Variants in ZFHX4 observed in about 807,000 individuals in gnomAD.
The protein encoded by ZFHX4 is zinc finger homeobox 4, also known as zinc finger homeobox protein 4.
A neutral mutation model predicts 267.6 loss-of-function variants in ZFHX4; 56 were observed. That is an observed-to-expected ratio of 0.21 (90% CI 0.17 to 0.26). The LOEUF (loss-of-function observed/expected upper bound fraction) is 0.26, where lower values mean the gene tolerates loss of function less well. ZFHX4 is among the 10% of genes least tolerant of loss of function. The pLI, the probability that ZFHX4 is intolerant of heterozygous loss-of-function variation, is 1.00. For missense variants in ZFHX4, 4,332 were observed against 4,420.0 expected (o/e 0.98, Z 0.56); for synonymous variants, 1,778 against 1,665.6 (o/e 1.07, Z -1.64).
At chr8:76,713,823 A>G (rs1808494240) in intron 3 of ZFHX4, among the ~76,000 whole-genome samples, 1 of 151,990 alleles carries the variant, frequency 6.6e-6, no homozygotes, top group Non-Finnish European at 1.5e-5. Context: ...TGGAGTGATT[A>G]TGTCAGGGAT....
chr8:76,689,681 C>T (rs190719266), intron 1 of ZFHX4, among the ~76,000 whole-genome samples: 3 of 152,050 alleles, frequency 2.0e-5, no homozygotes, highest in African/African-American at 7.2e-5. Context: ...CACAAGTTGC[C>T]TTGAAAGTTT....
chr8:76,743,256 G>A (rs895330610), intron 3 of ZFHX4, among the ~76,000 whole-genome samples: 4 of 152,108 alleles, frequency 2.6e-5, no homozygotes, highest in Non-Finnish European at 5.9e-5. Context: ...AATCTTCCTC[G>A]AACTTCTGAT....
intron 4 of ZFHX4, among the ~76,000 whole-genome samples, chr8:76,800,666 A>G (rs1389428631): frequency 6.6e-6 from 1 of 152,218 alleles, no homozygotes; most frequent in African/African-American, 2.4e-5. Flanking sequence ...AATCTTAATC[A>G]GTCTGGACCA....
chr8:76,703,860 C>G (rs568609102), intron 1 of ZFHX4, among the ~76,000 whole-genome samples, 183 bp from the exon 2 acceptor site: 18 of 152,306 alleles, frequency 1.2e-4, no homozygotes, highest in African/African-American at 4.1e-4. Context: ...TGATAGCTAT[C>G]TACATTATTT....
intron 4 of ZFHX4, among the ~76,000 whole-genome samples, chr8:76,812,134 G>A (rs1811394038): frequency 6.6e-6 from 1 of 152,108 alleles, no homozygotes; most frequent in Non-Finnish European, 1.5e-5. Context: ...AAAACATCTA[G>A]GGCATCAACT....
At chr8:76,842,580 T>A (rs1812262503) in intron 5 of ZFHX4, 75 bp from the exon 6 acceptor site, 1 of 1,029,286 alleles carries the variant, frequency 9.7e-7, no homozygotes, top group Non-Finnish European at 1.4e-6. Flanking sequence ...AGTTTTCAAG[T>A]GGCCACCTAG....
intron 4 of ZFHX4, among the ~76,000 whole-genome samples, chr8:76,831,774 G>A (rs1441936596): frequency 6.6e-6 from 1 of 152,124 alleles, no homozygotes; most frequent in East Asian, 1.9e-4. Flanking sequence ...GGGAAGAATA[G>A]GAGGCTCACA....
At chr8:76,836,556 T>C (rs910638336) in intron 5 of ZFHX4, among the ~76,000 whole-genome samples, 19 of 151,774 alleles carry the variant, frequency 1.3e-4, no homozygotes, top group African/African-American at 4.4e-4. Flanking sequence ...TTGGAAAAAA[T>C]TGGTCCCATT....
chr8:76,837,094 T>A (rs986706543), intron 5 of ZFHX4, among the ~76,000 whole-genome samples: 1 of 152,094 alleles, frequency 6.6e-6, no homozygotes, highest in Non-Finnish European at 1.5e-5. Context: ...GGACATCCAG[T>A]ACAGTTACAA....
At chr8:76,745,031 T>C (rs193095216) in intron 3 of ZFHX4, among the ~76,000 whole-genome samples, 12 of 152,294 alleles carry the variant, frequency 7.9e-5, no homozygotes, top group Admixed American at 7.2e-4. Flanking sequence ...TGGGCCATGA[T>C]GACATAGCAT....
intron 4 of ZFHX4, chr8:76,782,170 C>T: frequency 2.3e-6 from 1 of 425,958 alleles, no homozygotes. Flanking sequence ...TTCTGGAGCG[C>T]TTGTAATTTC....
At chr8:76,775,434 G>A (rs1408286042) in intron 3 of ZFHX4, among the ~76,000 whole-genome samples, 1 of 152,144 alleles carries the variant, frequency 6.6e-6, no homozygotes. Flanking sequence ...AGTAATTAAT[G>A]ACCCTGACTC....
At chr8:76,835,445 G>T (rs1812069284) in intron 5 of ZFHX4, among the ~76,000 whole-genome samples, 1 of 151,144 alleles carries the variant, frequency 6.6e-6, no homozygotes, top group Non-Finnish European at 1.5e-5. Context: ...CTGCTATATA[G>T]AACAATAAAT....
rs554603901 is a variant in ZFHX4, at chr8:76,685,494, T to C, written c.-47+3874T>C. ...TGAGGCAGTGTAGACCCAGGCTCAATAGTGTAAAGCCCGTGTTCGATTAAG... is the reference window on the plus strand; with the variant it reads ...TGAGGCAGTGTAGACCCAGGCTCAACAGTGTAAAGCCCGTGTTCGATTAAG... On this transcript the variant is annotated intron_variant, in intron 1 of 10. Coordinates refer to ENST00000651372, the MANE Select transcript of ZFHX4 (RefSeq NM_024721.5). Among the ~76,000 whole-genome samples the C allele has an allele frequency of 8.5e-5, 13 of 152,326 alleles. No individual in the cohort carries two copies. In the South Asian group the frequency reaches 2.7e-3, roughly 32 times the overall value.
chr8:76,691,664 C>T (rs2131584246), intron 1 of ZFHX4, among the ~76,000 whole-genome samples: 1 of 152,208 alleles, frequency 6.6e-6, no homozygotes, highest in Admixed American at 6.5e-5. Flanking sequence ...ACCTGGATTA[C>T]ATTTCTGTTA....
chr8:76,754,170 T>C (rs1809701631), intron 3 of ZFHX4, among the ~76,000 whole-genome samples: 1 of 152,150 alleles, frequency 6.6e-6, no homozygotes, highest in African/African-American at 2.4e-5. Flanking sequence ...TCCTGATTAT[T>C]TACTTGTGAT....
intron 6 of ZFHX4, among the ~76,000 whole-genome samples, chr8:76,846,721 T>C (rs1187213480): frequency 6.6e-6 from 1 of 152,140 alleles, no homozygotes; most frequent in Non-Finnish European, 1.5e-5. Flanking sequence ...CAATACATTT[T>C]TTGATCCCTG....
chr8:76,793,712 G>A (rs966651796), intron 4 of ZFHX4, among the ~76,000 whole-genome samples: 16 of 152,254 alleles, frequency 1.1e-4, no homozygotes, highest in African/African-American at 2.2e-4. Context: ...CTATTAAAAA[G>A]AGGTTGGTCT....
chr8:76,694,704 G>GC (rs1227874288), intron 1 of ZFHX4, among the ~76,000 whole-genome samples: 6 of 83,574 alleles, frequency 7.2e-5, no homozygotes, highest in African/African-American at 2.8e-4. Flanking sequence ...CCCCGCCTCT[G>GC]CCCCCGCCCC....
Sources: gnomAD v4.1 joint callset for allele counts (sites outside exome capture counted in the v4.1 genomes callset) on GRCh38, gnomAD v4.1.1 for gene constraint, MANE v1.5 for transcripts, NCBI Gene and HGNC (gene_info 2026-07-23, HGNC 2026-07-21) for gene names.